Variants in C1QTNF1 observed in about 807,000 individuals in gnomAD.
C1QTNF1 encodes the protein C1q and TNF related 1.
In C1QTNF1, 22 loss-of-function variants were observed where a neutral mutation model predicts 27.8. The observed-to-expected ratio is 0.79, with a 90% CI of 0.56 to 1.13. The LOEUF is 1.13. C1QTNF1 is among the 50% of genes most tolerant of loss of function. The pLI is 0.00. For synonymous variants in C1QTNF1, 166 were observed against 154.3 expected, an observed-to-expected ratio of 1.08 and a Z score of -0.56; for missense variants, 373 against 380.2, an observed-to-expected ratio of 0.98 and a Z score of 0.16.
chr17:79,042,159 T>G (rs1447016316), intron 1 of C1QTNF1, among the ~76,000 whole-genome samples: 2 of 152,140 alleles, frequency 1.3e-5, no homozygotes, highest in African/African-American at 4.8e-5. Flanking sequence ...TACATTTTGG[T>G]GAACAAAGAG....
At position 79,048,113 on chromosome 17, in the gene C1QTNF1, C is replaced by T. The variant is rs757779577; in HGVS notation, c.*25C>T. The T allele has an allele frequency of 1.0e-5, 14 of 1,365,696 alleles. No homozygotes were observed. Among genetic ancestry groups the T allele is most frequent in the Non-Finnish European group, 1.3e-5 (14 of 1,042,014 alleles). The allele number at this position is 1,365,696 out of a possible 1,614,324, so 84.6% of individuals were successfully genotyped here. On this transcript the variant is annotated 3_prime_UTR_variant, in exon 4 of 4. Coordinates refer to ENST00000579760, the MANE Select transcript of C1QTNF1 (RefSeq NM_030968.5). ...GCTGGCCGGCCACCTCCTTTCCTCT[C>T]GCCACCTTCCACCCCTGCGCTGTGC... is the stretch of plus-strand genomic sequence containing the variant.
At chr17:79,047,058 C>A in intron 3 of C1QTNF1, 1 of 295,878 alleles carries the variant, frequency 3.4e-6, no homozygotes, top group South Asian at 6.4e-5. Context: ...TCGCTCCGGT[C>A]CTGCACACGG....
chr17:79,047,899 G>C lies in C1QTNF1; in HGVS notation c.657G>C (p.Val219=). Residue 219 remains valine, a synonymous_variant, in exon 4 of 4, where the codon GTG becomes GTC. Transcript: ENST00000579760. ...LHIMKNEEEV[V]ILFAQVGDRS... is the part of the protein sequence containing the mutation. ...TCATGAAGAACGAGGAGGAGGTGGT[G>C]ATCTTGTTCGCGCAGGTGGGCGACC... 2 of 1,614,172 alleles carry C rather than the reference G, an allele frequency of 1.2e-6. No homozygotes were observed. The highest frequency in any genetic ancestry group is 1.7e-6 in the Non-Finnish European group (2 of 1,180,026).
At chr17:79,040,394 G>C (rs1219070436) in intron 1 of C1QTNF1, among the ~76,000 whole-genome samples, 1 of 152,146 alleles carries the variant, frequency 6.6e-6, no homozygotes, top group African/African-American at 2.4e-5. Context: ...GAGCCGGGAG[G>C]GTTGAGGCTA....
chr17:79,023,704 G>GCGCACACACA (rs1267428917), upstream of C1QTNF1, among the ~76,000 whole-genome samples: 2,033 of 144,972 alleles, frequency 0.014, 57 homozygotes, highest in African/African-American at 0.049. Flanking sequence ...GCGCGCGCGC[G>GCGCACACACA]CACACACACA....
At chr17:79,042,835 G>A (rs2072449074) in intron 1 of C1QTNF1, among the ~76,000 whole-genome samples, 1 of 152,254 alleles carries the variant, frequency 6.6e-6, no homozygotes, top group Non-Finnish European at 1.5e-5. Flanking sequence ...GTGCGCACAT[G>A]TGAAGGTGTG....
At position 79,049,087 on chromosome 17, in the gene C1QTNF1, G is replaced by C. The variant is rs867155709; in HGVS notation, c.*999G>C. ...CAGCACTGCAGTCTCCCATCTCCTCGTGGGCTAAGCATCACCGCTTCCACG... is the reference window on the plus strand; with the variant it reads ...CAGCACTGCAGTCTCCCATCTCCTCCTGGGCTAAGCATCACCGCTTCCACG... On this transcript the variant is annotated 3_prime_UTR_variant, in exon 4 of 4. Transcript: ENST00000579760. The surrounding 1 kb of genome is among the most constrained non-coding windows in gnomAD (Gnocchi z 4.4). The C allele has an allele frequency of 6.6e-6, 1 of 152,240 alleles. No individual in the cohort carries two copies. Among genetic ancestry groups the C allele is most frequent in the Non-Finnish European group, 1.5e-5 (1 of 68,096 alleles). 9.4% of individuals were successfully genotyped at this position (152,240 alleles called of 1,614,324 possible). A position where few individuals can be genotyped will look rare whatever the true frequency, so the allele number is the denominator to read the frequency against.
chr17:79,046,875 C>A lies in C1QTNF1; in HGVS notation c.295+181C>A. 1.3e-6 allele frequency: 1 copy of A among 798,300 alleles called. No individual in the cohort carries two copies. The highest frequency in any genetic ancestry group is 1.9e-6 in the Non-Finnish European group (1 of 522,556). The allele number at this position is 798,300 out of a possible 1,614,324, so 49.5% of individuals were successfully genotyped here. ...CACAGGAAATTCTGATTTTGAGGCT[C>A]TGGCCCCTCTCCAAGAGGAGGGGTT... On this transcript the variant is annotated intron_variant, in intron 3 of 3. Transcript: ENST00000579760. This position sits in a 1 kb window ranked among gnomAD's most constrained non-coding sequence, Gnocchi z 4.8.
At position 79,047,623 on chromosome 17, in the gene C1QTNF1, C is replaced by A. The variant is rs1295106005; in HGVS notation, c.381C>A (p.Pro127=). Residue 127 remains proline (P), a synonymous_variant, in exon 4 of 4, where the codon CCC becomes CCA. Coordinates refer to ENST00000579760, the MANE Select transcript of C1QTNF1 (RefSeq NM_030968.5). The part of the protein sequence containing the change: ...GSAGARGHTG[P]KGQKGSMGAP... The stretch of plus-strand genomic sequence containing the variant: ...CAGGGGCCAGGGGCCACACTGGACC[C>A]AAAGGGCAGAAGGGCTCCATGGGGG... 1 of 1,592,074 alleles carries A rather than the reference C, an allele frequency of 6.3e-7. No homozygotes were observed. The highest frequency in any genetic ancestry group is 8.6e-7 in the Non-Finnish European group (1 of 1,167,530).
At chr17:79,029,482 C>CTA (rs1177560601) in intron 1 of C1QTNF1, among the ~76,000 whole-genome samples, 14 of 152,112 alleles carry the variant, frequency 9.2e-5, no homozygotes, top group Admixed American at 3.9e-4. Flanking sequence ...GGATCAAGCT[C>CTA]AGTGGTGTAG....
At chr17:79,041,916 G>T (rs534693357) in intron 1 of C1QTNF1, 2 of 116,932 alleles carry the variant, frequency 1.7e-5, no homozygotes, top group East Asian at 7.6e-4. Flanking sequence ...GGCAGAGAAA[G>T]AAATCTGTCA....
In C1QTNF1 at chr17:79,048,006, G is replaced by C. The variant is rs573762579; in HGVS notation, c.764G>C (p.Arg255Pro). 9.9e-6 allele frequency: 16 copies of C among 1,610,376 alleles called. No individual in the cohort carries two copies. In the South Asian group the frequency reaches 1.5e-4, roughly 15 times the overall value. ...TGGGTACGCCTCTACAAGGGCGAAC[G>C]TGAGAACGCCATCTTCAGCGAGGAG... ...QVWVRLYKGERENAIFSEELD... is the reference protein window; with the variant it reads ...QVWVRLYKGEPENAIFSEELD... The change falls in exon 4 of 4, where the codon CGT becomes CCT. Residue 255 changes from arginine to proline, a missense_variant. Physicochemically the swap from Arg to Pro is moderately radical, Grantham distance 103. Coordinates refer to ENST00000579760, the MANE Select transcript of C1QTNF1 (RefSeq NM_030968.5).
rs553377902 is a variant in C1QTNF1 at position 79,038,339 on chromosome 17, C to T, written c.-14-5616C>T. On this transcript the variant is annotated intron_variant, in intron 1 of 3. Coordinates refer to ENST00000579760, the MANE Select transcript of C1QTNF1 (RefSeq NM_030968.5). ...GTGTCCTCAGGCTTCCTGTCCTCCT[C>T]TACGTCCTGCGTGTAGCCTGGTTTC... Among the ~76,000 whole-genome samples, 3 of 152,292 alleles carry T rather than the reference C, an allele frequency of 2.0e-5. No individual in the cohort carries two copies. The South Asian group carries it at 6.2e-4, about 32-fold the overall frequency.
intron 1 of C1QTNF1, among the ~76,000 whole-genome samples, chr17:79,041,025 A>G (rs186839310): frequency 3.3e-5 from 5 of 152,228 alleles, no homozygotes; most frequent in Non-Finnish European, 7.3e-5. Flanking sequence ...ATGGGATAAA[A>G]ATTATTAATG....
In C1QTNF1 at chr17:79,046,080, G is replaced by A. The variant is rs1344746308; in HGVS notation, c.156-475G>A. On this transcript the variant is annotated intron_variant, in intron 2 of 3. Coordinates refer to ENST00000579760, the MANE Select transcript of C1QTNF1 (RefSeq NM_030968.5). The surrounding 1 kb of genome is among the most constrained non-coding windows in gnomAD (Gnocchi z 4.8). ...AGCCGCCGCCGTCCATCCTGCCTGC[G>A]GGCTTGTCCTTCCAATCAGGTTGGA... Among the ~76,000 whole-genome samples, 1 of 152,186 alleles carries A rather than the reference G, an allele frequency of 6.6e-6. No homozygotes were observed.
intron 1 of C1QTNF1, among the ~76,000 whole-genome samples, chr17:79,035,898 G>A (rs1048137578): frequency 2.0e-5 from 3 of 152,204 alleles, no homozygotes; most frequent in Non-Finnish European, 2.9e-5. Flanking sequence ...GGGGACAGCG[G>A]AGCCCCTGGA....
At chr17:79,023,089 G>T (rs1264218775), upstream of C1QTNF1, 1 of 152,304 alleles carries the variant, frequency 6.6e-6, no homozygotes, top group Non-Finnish European at 1.5e-5. Flanking sequence ...GCAGGGAAAG[G>T]TGAGGCCTCT....
In C1QTNF1 at chr17:79,027,083, G is replaced by A. The variant is rs962563338; in HGVS notation, c.-15+2589G>A. ...CCTCAGGGGTCCCTGTTCCTGGGCG[G>A]GGGGGGGCTGTGGCTGAGGCTCCAG... is the stretch of plus-strand genomic sequence containing the variant. On this transcript the variant is annotated intron_variant, in intron 1 of 3. Transcript: ENST00000579760. Among the ~76,000 whole-genome samples the A allele has an allele frequency of 8.0e-4, 71 of 88,970 alleles. 1 individual carries two copies. Among genetic ancestry groups the A allele is most frequent in the African/African-American group, 4.9e-3 (68 of 13,902 alleles). The allele number at this position is 88,970 out of a possible 152,430, so 58.4% of individuals were successfully genotyped here.
intron 1 of C1QTNF1, among the ~76,000 whole-genome samples, chr17:79,041,335 CAG>C (rs1191462132): frequency 1.3e-5 from 2 of 152,088 alleles, no homozygotes; most frequent in African/African-American, 2.4e-5. Flanking sequence ...GTATGTGTGA[CAG>C]GGGAGGAGAG....
Sources: allele counts gnomAD v4.1 joint callset (sites outside exome capture counted in the v4.1 genomes callset), GRCh38; gene constraint gnomAD v4.1.1; non-coding constraint Gnocchi (gnomAD v3.1); transcripts MANE v1.5; gene names NCBI Gene and HGNC (gene_info 2026-07-23, HGNC 2026-07-21).